SH3BP5: variants seen among roughly 807,000 people sequenced by gnomAD.
The protein encoded by SH3BP5 is SH3 domain-binding protein 5.
In SH3BP5, 22 loss-of-function variants were observed where a neutral mutation model predicts 43.3. The ratio of observed to expected loss-of-function variants is 0.51; its 90% CI spans 0.36 to 0.73. The LOEUF (loss-of-function observed/expected upper bound fraction) is 0.73. Ranked by LOEUF, SH3BP5 falls within the 30% of genes least tolerant of loss-of-function variation. The pLI is 0.00. For missense variants in SH3BP5, 529 were observed against 586.9 expected, an observed-to-expected ratio of 0.90 and a Z score of 1.02; for synonymous variants, 255 against 225.8, an observed-to-expected ratio of 1.13 and a Z score of -1.16.
chr3:15,329,591 G>A (rs1265913962), intron 2 of SH3BP5, among the ~76,000 whole-genome samples: 1 of 152,224 alleles, frequency 6.6e-6, no homozygotes, highest in East Asian at 1.9e-4. Context: ...GGCTGCCAGT[G>A]AATCCTGGTA....
At chr3:15,324,887 A>G (rs937219093) in intron 2 of SH3BP5, among the ~76,000 whole-genome samples, 1 of 152,068 alleles carries the variant, frequency 6.6e-6, no homozygotes, top group Non-Finnish European at 1.5e-5. Flanking sequence ...TTAAGAGAAA[A>G]CATTTGCTGG....
At chr3:15,265,560 A>ACACACACACACACACACACACACACACAC (rs71045145) in intron 4 of SH3BP5, among the ~76,000 whole-genome samples, 15 of 131,770 alleles carry the variant, frequency 1.1e-4, no homozygotes, top group African/African-American at 2.8e-4. Context: ...ACACACACAC[A>ACACACACACACACACACACACACACACAC]ACCCTCCAGC....
intron 7 of SH3BP5, 62 bp downstream of exon 7, chr3:15,258,769 C>T (rs1382133698): frequency 6.8e-7 from 1 of 1,460,738 alleles, no homozygotes; most frequent in African/African-American, 1.4e-5. Flanking sequence ...AAGTGAGGAC[C>T]TTGGGAAACA....
Position 15,297,984 on chromosome 3 carries a change from T to G in SH3BP5, c.330+6119A>C, listed in dbSNP as rs1463604980. The stretch of plus-strand genomic sequence containing the variant: ...CAACTTTTCTTTTTCTTTTTTTTTT[T>G]TTTTTTTAAAGAGCCAAGGTCTCAC... On this transcript the variant is annotated intron_variant, in intron 3 of 8. Coordinates refer to ENST00000383791, the MANE Select transcript of SH3BP5 (RefSeq NM_004844.5). 2.0e-5 allele frequency among the ~76,000 whole-genome samples: 3 copies of G among 151,614 alleles called. No individual in the cohort carries two copies. In the East Asian group the frequency reaches 5.8e-4, roughly 29 times the overall value.
intron 2 of SH3BP5, among the ~76,000 whole-genome samples, chr3:15,321,120 A>G (rs1210555776): frequency 1.3e-5 from 2 of 152,244 alleles, no homozygotes; most frequent in African/African-American, 4.8e-5. Flanking sequence ...GGTTACCATG[A>G]ATGAAGTTGT....
Position 15,256,014 on chromosome 3 carries a change from G to T in SH3BP5, c.*72C>A. On this transcript the variant is annotated 3_prime_UTR_variant, in exon 9 of 9. Transcript: ENST00000383791. Reference sequence around the variant, plus strand: ...GTGTAAGATTTGGCATATATTAAATGATTATTGGCACAATGTTCTCCAGTT... The same window carrying T: ...GTGTAAGATTTGGCATATATTAAATTATTATTGGCACAATGTTCTCCAGTT... The T allele has an allele frequency of 8.0e-7, 1 of 1,246,952 alleles. No homozygotes were observed. Among genetic ancestry groups the T allele is most frequent in the South Asian group, 1.4e-5 (1 of 73,472 alleles). 77.2% of individuals were successfully genotyped at this position (1,246,952 alleles called of 1,614,324 possible).
Position 15,301,187 on chromosome 3 carries a change from G to T in SH3BP5, c.330+2916C>A, listed in dbSNP as rs140528372. Among the ~76,000 whole-genome samples the T allele has an allele frequency of 1.4e-3, 213 of 152,238 alleles. 3 individuals carry two copies. The highest frequency in any genetic ancestry group is 4.7e-3 in the African/African-American group (197 of 41,514). ...CCCAACTGCTAAACGGGATTTGAAT[G>T]AACTCAACCCAGACGAGGCTGGATT... On this transcript the variant is annotated intron_variant, in intron 3 of 8. Coordinates refer to ENST00000383791, the MANE Select transcript of SH3BP5 (RefSeq NM_004844.5).
chr3:15,302,048 T>A (rs1435732456), intron 3 of SH3BP5, among the ~76,000 whole-genome samples: 1 of 152,184 alleles, frequency 6.6e-6, no homozygotes, highest in East Asian at 1.9e-4. Flanking sequence ...AAGGAGGTTT[T>A]CTGAATTCCT....
intron 3 of SH3BP5, among the ~76,000 whole-genome samples, chr3:15,297,976 T>C (rs1005983130): frequency 1.5e-5 from 2 of 129,680 alleles, no homozygotes; most frequent in Non-Finnish European, 1.5e-5. Flanking sequence ...TCTTTTTCTT[T>C]TTTTTTTTTT....
At chr3:15,306,813 T>G (rs975907297) in intron 2 of SH3BP5, among the ~76,000 whole-genome samples, 3 of 152,014 alleles carry the variant, frequency 2.0e-5, no homozygotes, top group Non-Finnish European at 2.9e-5. Context: ...GAACTACAGG[T>G]GTGCACCACC....
At chr3:15,330,258 T>C (rs1361164031) in intron 2 of SH3BP5, among the ~76,000 whole-genome samples, 1 of 152,256 alleles carries the variant, frequency 6.6e-6, no homozygotes, top group Non-Finnish European at 1.5e-5. Flanking sequence ...TGTAACGCTC[T>C]GCACAGACTT....
chr3:15,280,252 G>A (rs1697084446), intron 3 of SH3BP5, among the ~76,000 whole-genome samples: 1 of 152,006 alleles, frequency 6.6e-6, no homozygotes, highest in Non-Finnish European at 1.5e-5. Context: ...AGAAGGGTGC[G>A]CCCACATTCC....
intron 5 of SH3BP5, among the ~76,000 whole-genome samples, chr3:15,261,161 CAGG>C: frequency 6.6e-6 from 1 of 152,352 alleles, no homozygotes; most frequent in South Asian, 2.1e-4. Flanking sequence ...ACTTAGCTCT[CAGG>C]AGATCAGCCC....
At chr3:15,263,612 G>GA (rs1033177496) in intron 4 of SH3BP5, among the ~76,000 whole-genome samples, 6 of 152,096 alleles carry the variant, frequency 3.9e-5, no homozygotes, top group African/African-American at 1.4e-4. Flanking sequence ...TAAGTCTGTT[G>GA]AAAAAAATGA....
At chr3:15,304,389 CA>C in intron 2 of SH3BP5, 158 bp from the exon 3 acceptor site, 2 of 1,134,806 alleles carry the variant, frequency 1.8e-6, no homozygotes, top group South Asian at 2.6e-5. Flanking sequence ...CAGCACCGCC[CA>C]AAACAGCTTC....
chr3:15,335,198 C>G (rs1009614745), upstream of SH3BP5, among the ~76,000 whole-genome samples: 1 of 151,844 alleles, frequency 6.6e-6, no homozygotes, highest in Non-Finnish European at 1.5e-5. Flanking sequence ...AGTTTGAGAC[C>G]AGCCAGGACA....
intron 3 of SH3BP5, among the ~76,000 whole-genome samples, chr3:15,295,903 T>G (rs569594063): frequency 2.5e-4 from 38 of 152,338 alleles, no homozygotes; most frequent in African/African-American, 7.7e-4. Flanking sequence ...AGGAGAACAT[T>G]CAACCCTTTG....
chr3:15,304,478 A>C (rs1471725442), intron 2 of SH3BP5, among the ~76,000 whole-genome samples: 3 of 152,238 alleles, frequency 2.0e-5, no homozygotes, highest in Non-Finnish European at 4.4e-5. Flanking sequence ...CTGAGCACTT[A>C]AAACTGGCCG....
intron 3 of SH3BP5, among the ~76,000 whole-genome samples, chr3:15,290,541 A>AT (rs1190457664): frequency 6.7e-6 from 1 of 149,860 alleles, no homozygotes; most frequent in East Asian, 1.9e-4. Context: ...AAAAAAAAAA[A>AT]AAAAAAAATT....
Sources: gnomAD v4.1 joint callset for allele counts (sites outside exome capture counted in the v4.1 genomes callset) on GRCh38, gnomAD v4.1.1 for gene constraint, MANE v1.5 for transcripts, NCBI Gene and HGNC (gene_info 2026-07-23, HGNC 2026-07-21) for gene names.